The following KATNIP variants were observed in gnomAD, a reference collection of about 807,000 sequenced individuals.
KATNIP encodes katanin-interacting protein.
A neutral mutation model predicts 174.0 loss-of-function variants in KATNIP; 126 were observed. That is an observed-to-expected ratio of 0.72 (90% CI 0.63 to 0.84). KATNIP has a LOEUF of 0.84. Ranked by LOEUF, KATNIP falls within the 40% of genes least tolerant of loss-of-function variation. The pLI is 0.00. For missense variants in KATNIP, 1,958 were observed against 2,109.7 expected (o/e 0.93, Z 1.41); for synonymous variants, 810 against 835.7 (o/e 0.97, Z 0.53).
intron 8 of KATNIP, among the ~76,000 whole-genome samples, chr16:27,692,599 T>C (rs887329399): frequency 2.6e-5 from 4 of 152,118 alleles, no homozygotes; most frequent in Non-Finnish European, 4.4e-5. Context: ...GCCTGGCACC[T>C]GCTGTTCCAG....
At chr16:27,772,036 G>A (rs1324501420) in intron 22 of KATNIP, among the ~76,000 whole-genome samples, 1 of 152,154 alleles carries the variant, frequency 6.6e-6, no homozygotes, top group South Asian at 2.1e-4. Flanking sequence ...CAGCGCTTTA[G>A]GAGACCAAGG....
rs150160139 is a variant in KATNIP, at chr16:27,583,815, G to A, written c.63+9859G>A. The stretch of plus-strand genomic sequence containing the variant: ...TCACCTAGCTGAAAAGTTCAGGGGT[G>A]GACATCAGGCATGGATGGATCTAGG... On this transcript the variant is annotated intron_variant, in intron 2 of 27. Transcript: ENST00000261588. Among the ~76,000 whole-genome samples the A allele has an allele frequency of 2.8e-3, 424 of 152,274 alleles. 1 individual carries two copies. Among genetic ancestry groups the A allele is most frequent in the African/African-American group, 8.9e-3 (371 of 41,552 alleles).
At chr16:27,614,361 A>G (rs902609733) in intron 2 of KATNIP, among the ~76,000 whole-genome samples, 2 of 152,142 alleles carry the variant, frequency 1.3e-5, no homozygotes, top group Non-Finnish European at 2.9e-5. Context: ...GGGTTTTACC[A>G]TGTTGTCCAG....
intron 18 of KATNIP, chr16:27,755,351 C>T (rs1051790130): frequency 6.6e-6 from 1 of 152,310 alleles, no homozygotes; most frequent in Non-Finnish European, 1.5e-5. Context: ...TTCTGACGAC[C>T]ACCTGTCGCT....
intron 1 of KATNIP, among the ~76,000 whole-genome samples, chr16:27,569,825 A>G (rs2090221292): frequency 6.6e-6 from 1 of 152,214 alleles, no homozygotes; most frequent in South Asian, 2.1e-4. Context: ...AAATAAGCAA[A>G]TTATTTTCCG....
chr16:27,654,777 G>C (rs185969756), intron 6 of KATNIP: 26 of 1,349,650 alleles, frequency 1.9e-5, no homozygotes, highest in Non-Finnish European at 2.5e-5. Context: ...AAGGGCTGGG[G>C]ATCTTTTCCG....
intron 1 of KATNIP, among the ~76,000 whole-genome samples, chr16:27,557,841 T>C (rs1234595625): frequency 6.6e-6 from 1 of 152,218 alleles, no homozygotes; most frequent in Admixed American, 6.5e-5. Context: ...TTGTCAACAT[T>C]GAAAAATGAG....
At chr16:27,592,575 G>A (rs191646986) in intron 2 of KATNIP, among the ~76,000 whole-genome samples, 110 of 152,068 alleles carry the variant, frequency 7.2e-4, no homozygotes, top group Admixed American at 2.1e-3. Context: ...CTGAGATCAC[G>A]CCACTGCACT....
intron 2 of KATNIP, among the ~76,000 whole-genome samples, chr16:27,588,214 A>G (rs1452455893): frequency 6.6e-6 from 1 of 151,704 alleles, no homozygotes; most frequent in African/African-American, 2.4e-5. Context: ...ATGCAACTAC[A>G]TATATTTCAG....
intron 23 of KATNIP, among the ~76,000 whole-genome samples, 157 bp downstream of exon 23, chr16:27,773,366 G>C (rs768980061): frequency 6.6e-6 from 1 of 152,136 alleles, no homozygotes; most frequent in South Asian, 2.1e-4. Context: ...CCTTGGGGAC[G>C]GGCAGCAGAG....
intron 6 of KATNIP, among the ~76,000 whole-genome samples, chr16:27,671,246 A>G (rs1055789787): frequency 1.3e-5 from 2 of 152,214 alleles, no homozygotes; most frequent in Admixed American, 1.3e-4. Flanking sequence ...GACTTTTTCT[A>G]TGCATATATG....
intron 2 of KATNIP, among the ~76,000 whole-genome samples, chr16:27,615,500 G>A (rs917033059): frequency 2.0e-5 from 3 of 152,058 alleles, no homozygotes; most frequent in South Asian, 2.1e-4. Flanking sequence ...GACTACAGAC[G>A]TGTACCACCA....
chr16:27,653,344 A>C (rs1046429088), intron 6 of KATNIP, among the ~76,000 whole-genome samples: 2 of 152,148 alleles, frequency 1.3e-5, no homozygotes, highest in Admixed American at 1.3e-4. Flanking sequence ...TCTCACAGTA[A>C]CAGTTCAGTG....
At chr16:27,640,862 G>A (rs111722522) in intron 5 of KATNIP, among the ~76,000 whole-genome samples, 4 of 152,094 alleles carry the variant, frequency 2.6e-5, no homozygotes, top group South Asian at 2.1e-4. Context: ...GAGGCCGGGC[G>A]CGGAGGCTCA....
chr16:27,766,181 A>G, intron 19 of KATNIP, 128 bp from the exon 20 acceptor site: 1 of 908,440 alleles, frequency 1.1e-6, no homozygotes, highest in Non-Finnish European at 1.7e-6. Flanking sequence ...CCCCTTAACA[A>G]GCCTGACACA....
chr16:27,644,056 C>T (rs233463), intron 5 of KATNIP, among the ~76,000 whole-genome samples: 5 of 142,910 alleles, frequency 3.5e-5, no homozygotes, highest in African/African-American at 5.3e-5. Context: ...GGGTCTTACT[C>T]TGTTGCCCAG....
intron 15 of KATNIP, 73 bp from the exon 16 acceptor site, chr16:27,749,511 A>G (rs1362897345): frequency 1.4e-6 from 2 of 1,479,488 alleles, no homozygotes; most frequent in South Asian, 1.4e-5. Context: ...ACCACAGGAG[A>G]CAGTCTCTAA....
At chr16:27,770,739 T>G (rs1283924395) in intron 21 of KATNIP, among the ~76,000 whole-genome samples, 2 of 152,204 alleles carry the variant, frequency 1.3e-5, no homozygotes, top group Non-Finnish European at 2.9e-5. Flanking sequence ...CACTTTGATG[T>G]GTCCTTTGGG....
At chr16:27,633,746 G>A (rs78174330) in intron 5 of KATNIP, among the ~76,000 whole-genome samples, 1 of 152,146 alleles carries the variant, frequency 6.6e-6, no homozygotes, top group African/African-American at 2.4e-5. Flanking sequence ...TGTCCTCATT[G>A]TGCTACTGAA....
Sources: gnomAD v4.1 joint callset for allele counts (sites outside exome capture counted in the v4.1 genomes callset) on GRCh38, gnomAD v4.1.1 for gene constraint, MANE v1.5 for transcripts, NCBI Gene and HGNC (gene_info 2026-07-23, HGNC 2026-07-21) for gene names.